ART3: variants seen among roughly 807,000 people sequenced by gnomAD.
The protein encoded by ART3 is ADP-ribosyltransferase 3 (inactive), also known as ecto-ADP-ribosyltransferase 3.
ART3 carries 49 observed loss-of-function variants against 48.5 expected under a neutral mutation model. That is an observed-to-expected ratio of 1.01 (90% CI 0.80 to 1.28). The LOEUF (loss-of-function observed/expected upper bound fraction) is 1.28, where lower values mean the gene tolerates loss of function less well. Among genes scored for constraint, ART3 ranks in the 50% most tolerant of loss-of-function variants. The pLI, the probability that ART3 is intolerant of heterozygous loss-of-function variation, is 0.00. For synonymous variants in ART3, 145 were observed against 157.2 expected, an observed-to-expected ratio of 0.92 and a Z score of 0.58; for missense variants, 438 against 454.3, an observed-to-expected ratio of 0.96 and a Z score of 0.33.
chr4:76,057,389 C>T (rs971718509), intron 1 of ART3, among the ~76,000 whole-genome samples: 4 of 152,128 alleles, frequency 2.6e-5, no homozygotes, highest in African/African-American at 7.2e-5. Context: ...CAAGTACCAA[C>T]GCTCATTTCC....
chr4:76,088,322 G>A (rs1478135046), intron 3 of ART3, among the ~76,000 whole-genome samples: 4 of 151,584 alleles, frequency 2.6e-5, no homozygotes, highest in Admixed American at 6.6e-5. Context: ...AGAGAGAGGC[G>A]TGCCTGTATA....
At chr4:76,072,926 C>A (rs1720473243), upstream of ART3, among the ~76,000 whole-genome samples, 1 of 152,172 alleles carries the variant, frequency 6.6e-6, no homozygotes, top group Admixed American at 6.5e-5. Context: ...CAAATACCAC[C>A]TTTCAGTGAG....
In ART3 at chr4:76,104,032, T is replaced by C. The variant is rs1038424025; in HGVS notation, c.970+63T>C. The C allele has an allele frequency of 4.7e-6, 7 of 1,493,966 alleles. No individual in the cohort carries two copies. In the African/African-American group the frequency reaches 9.7e-5, roughly 21 times the overall value. The allele number at this position is 1,493,966 out of a possible 1,614,324, so 92.5% of individuals were successfully genotyped here. A position where few individuals can be genotyped will look rare whatever the true frequency, so the allele number is the denominator to read the frequency against. ...TGAGTTGAGCAGGATTCCCAGGCAT[T>C]TAAGAGAATACTGTCATGAGACTAT... On this transcript the variant is annotated intron_variant, in intron 9 of 11. Coordinates refer to ENST00000355810, the MANE Select transcript of ART3 (RefSeq NM_001130016.3).
At chr4:76,077,006 C>T (rs915535841) in intron 2 of ART3, among the ~76,000 whole-genome samples, 3 of 151,958 alleles carry the variant, frequency 2.0e-5, no homozygotes, top group Admixed American at 6.6e-5. Context: ...TTTCCTGTGT[C>T]GCAGTATGTT....
chr4:76,019,761 A>G (rs2149366280), intron 1 of ART3, among the ~76,000 whole-genome samples: 1 of 151,496 alleles, frequency 6.6e-6, no homozygotes, highest in South Asian at 2.1e-4. Flanking sequence ...GCCATATCAC[A>G]TTCTGATGTA....
At chr4:76,088,979 A>G (rs1354316410) in intron 3 of ART3, among the ~76,000 whole-genome samples, 1 of 152,196 alleles carries the variant, frequency 6.6e-6, no homozygotes, top group Non-Finnish European at 1.5e-5. Context: ...TTGTAATGAA[A>G]CCAAGTATAT....
chr4:76,076,005 T>A, intron 2 of ART3, 47 bp downstream of exon 2: 9 of 654,694 alleles, frequency 1.4e-5, no homozygotes, highest in South Asian at 6.4e-5. Flanking sequence ...TGGAAATTCG[T>A]TTTTTTTTTT....
chr4:76,104,432 T>C, intron 9 of ART3, 165 bp from the exon 10 acceptor site: 1 of 985,440 alleles, frequency 1.0e-6, no homozygotes, highest in South Asian at 4.7e-5. Context: ...GGTGTGGATT[T>C]GTATAATAAG....
At chr4:76,035,263 T>C (rs1413732954) in intron 1 of ART3, 2 of 1,613,962 alleles carry the variant, frequency 1.2e-6, no homozygotes, top group East Asian at 2.2e-5. Context: ...TTATGGAGGC[T>C]TTCTCAATAT....
At chr4:76,047,068 C>A (rs1319812701) in intron 1 of ART3, among the ~76,000 whole-genome samples, 1 of 151,982 alleles carries the variant, frequency 6.6e-6, no homozygotes, top group Admixed American at 6.6e-5. Context: ...ACCCAGGGAA[C>A]CTTCATCCTC....
intron 1 of ART3, among the ~76,000 whole-genome samples, chr4:76,031,400 G>T (rs1007132762): frequency 1.1e-4 from 17 of 152,252 alleles, no homozygotes; most frequent in African/African-American, 4.1e-4. Context: ...ATGCCTTGAA[G>T]TTTTGGAAAT....
At chr4:76,018,145 A>G (rs74461345) in intron 1 of ART3, among the ~76,000 whole-genome samples, 1 of 152,200 alleles carries the variant, frequency 6.6e-6, no homozygotes, top group Admixed American at 6.5e-5. Flanking sequence ...ACACGTGCAC[A>G]TGTATGTCAT....
At chr4:76,106,154 A>G (rs1374664028) in intron 10 of ART3, 1 of 985,492 alleles carries the variant, frequency 1.0e-6, no homozygotes. Flanking sequence ...ATAATAGGCT[A>G]GAGACAACCA....
At chr4:76,038,195 A>G (rs1734617943) in intron 1 of ART3, among the ~76,000 whole-genome samples, 1 of 152,004 alleles carries the variant, frequency 6.6e-6, no homozygotes, top group Admixed American at 6.5e-5. Context: ...GTATAGTACA[A>G]TAAGATATTT....
chr4:76,050,863 G>T (rs1380369285), intron 1 of ART3, among the ~76,000 whole-genome samples: 1 of 152,220 alleles, frequency 6.6e-6, no homozygotes, highest in Admixed American at 6.5e-5. Flanking sequence ...TGGCACTGCT[G>T]GGGGACCCAG....
At chr4:76,021,138 A>G (rs1465410309) in intron 1 of ART3, 2 of 152,298 alleles carry the variant, frequency 1.3e-5, no homozygotes, top group Admixed American at 1.3e-4. Flanking sequence ...TTACTTTATT[A>G]ACCTTTTGAT....
intron 2 of ART3, among the ~76,000 whole-genome samples, chr4:76,076,186 G>A (rs1169218482): frequency 6.6e-6 from 1 of 151,746 alleles, no homozygotes; most frequent in Non-Finnish European, 1.5e-5. Flanking sequence ...TTGTATTTTT[G>A]GTAGAGACGG....
chr4:76,081,303 G>T (rs1379015808), intron 2 of ART3, among the ~76,000 whole-genome samples: 1 of 152,174 alleles, frequency 6.6e-6, no homozygotes, highest in Non-Finnish European at 1.5e-5. Flanking sequence ...CTGATTGCTA[G>T]ACTTTAGATC....
chr4:76,090,788 T>G (rs1294627920), intron 3 of ART3, among the ~76,000 whole-genome samples: 2 of 152,152 alleles, frequency 1.3e-5, no homozygotes, highest in African/African-American at 4.8e-5. Context: ...AAAGTAAAAT[T>G]TAGTAAGTTT....
Sources: allele counts gnomAD v4.1 joint callset (sites outside exome capture counted in the v4.1 genomes callset), GRCh38; gene constraint gnomAD v4.1.1; transcripts MANE v1.5; gene names NCBI Gene and HGNC (gene_info 2026-07-23, HGNC 2026-07-21).